PIP5K1C: variants seen among roughly 807,000 people sequenced by gnomAD.
PIP5K1C encodes the protein phosphatidylinositol 4-phosphate 5-kinase type-1 gamma.
Under a neutral mutation model 80.1 loss-of-function variants are expected in PIP5K1C, and 45 were observed. That is an observed-to-expected ratio of 0.56 (90% CI 0.44 to 0.72). PIP5K1C has a LOEUF of 0.72. Ranked by LOEUF, PIP5K1C falls within the 30% of genes least tolerant of loss-of-function variation. The pLI is 0.00. For synonymous variants in PIP5K1C, 498 were observed against 420.1 expected, an observed-to-expected ratio of 1.19 and a Z score of -2.27; for missense variants, 753 against 954.6, an observed-to-expected ratio of 0.79 and a Z score of 2.78.
chr19:3,683,778 G>C (rs1421852622), intron 1 of PIP5K1C, among the ~76,000 whole-genome samples: 1 of 151,972 alleles, frequency 6.6e-6, no homozygotes, highest in African/African-American at 2.4e-5. Flanking sequence ...CGGAGGCCCC[G>C]GGGCAGGACC....
chr19:3,671,475 G>GGGAGA (rs1201176405), intron 1 of PIP5K1C, among the ~76,000 whole-genome samples: 2 of 152,242 alleles, frequency 1.3e-5, no homozygotes, highest in South Asian at 2.1e-4. Context: ...CTGGCTAACG[G>GGGAGA]GGAGAGGAGA....
chr19:3,688,183 C>G lies in PIP5K1C; in HGVS notation c.94+12114G>C, dbSNP rs956575051. Among the ~76,000 whole-genome samples the G allele has an allele frequency of 1.4e-4, 21 of 152,202 alleles. No individual in the cohort carries two copies. The highest frequency in any genetic ancestry group is 2.1e-4 in the Non-Finnish European group (14 of 68,028). On this transcript the variant is annotated intron_variant, in intron 1 of 17. Coordinates refer to ENST00000335312, the MANE Select transcript of PIP5K1C (RefSeq NM_012398.3). The surrounding 1 kb of genome is among the most constrained non-coding windows in gnomAD (Gnocchi z 5.3). ...GTGGTCCCCACCTCCTTGCGCGCTCCGTCTCCAGCACAGCAGAGGTGGACG... is the reference window on the plus strand; with the variant it reads ...GTGGTCCCCACCTCCTTGCGCGCTCGGTCTCCAGCACAGCAGAGGTGGACG...
intron 2 of PIP5K1C, 23 bp downstream of exon 2, chr19:3,667,299 C>A: frequency 1.2e-6 from 2 of 1,610,842 alleles, no homozygotes; most frequent in Admixed American, 1.7e-5. Context: ...ACCCCAGGCC[C>A]TTCGTCCGCT....
chr19:3,655,107 CA>C (rs545856738), intron 6 of PIP5K1C, among the ~76,000 whole-genome samples: 4 of 45,862 alleles, frequency 8.7e-5, no homozygotes, highest in African/African-American at 4.2e-4. Context: ...GACTCCATCT[CA>C]AAAAAAAAAA....
At chr19:3,686,213 T>C (rs2035754099) in intron 1 of PIP5K1C, among the ~76,000 whole-genome samples, 1 of 152,150 alleles carries the variant, frequency 6.6e-6, no homozygotes, top group Non-Finnish European at 1.5e-5. Flanking sequence ...GCACAGTGAC[T>C]GACACCGGTA....
Position 3,692,721 on chromosome 19 carries a change from T to A in PIP5K1C, c.94+7576A>T, listed in dbSNP as rs1220397063. On this transcript the variant is annotated intron_variant, in intron 1 of 17. Transcript: ENST00000335312. The surrounding 1 kb of genome is among the most constrained non-coding windows in gnomAD (Gnocchi z 5.2). The stretch of plus-strand genomic sequence containing the variant: ...CCTGTGAGCTCCTGAGTCTCGCCCA[T>A]CCCTCCTCTGCCCGCAGCCCTCCAT... Among the ~76,000 whole-genome samples the A allele has an allele frequency of 6.6e-6, 1 of 151,532 alleles. No homozygotes were observed. The highest frequency in any genetic ancestry group is 1.5e-5 in the Non-Finnish European group (1 of 67,898).
intron 1 of PIP5K1C, among the ~76,000 whole-genome samples, chr19:3,687,886 G>A (rs905086592): frequency 5.9e-5 from 9 of 152,188 alleles, no homozygotes; most frequent in Admixed American, 5.2e-4. Context: ...GCAGGCGGGC[G>A]GAGCATCCAG....
intron 8 of PIP5K1C, chr19:3,650,155 C>T (rs1244222964): frequency 6.5e-6 from 1 of 153,998 alleles, no homozygotes; most frequent in Non-Finnish European, 1.4e-5. Flanking sequence ...CCGCTGCAAA[C>T]CAAAGCCCAG....
chr19:3,652,913 C>A (rs1204873151), intron 7 of PIP5K1C, among the ~76,000 whole-genome samples: 1 of 152,160 alleles, frequency 6.6e-6, no homozygotes, highest in African/African-American at 2.4e-5. Flanking sequence ...TCCAGAGGAA[C>A]CACTTCTCAG....
chr19:3,697,432 C>T (rs1332742982), intron 1 of PIP5K1C, among the ~76,000 whole-genome samples: 1 of 142,736 alleles, frequency 7.0e-6, no homozygotes, highest in Non-Finnish European at 1.5e-5. Context: ...GGAGGAGGAC[C>T]GAGCTGTACG....
intron 16 of PIP5K1C, chr19:3,636,515 C>A (rs966921241): frequency 5.1e-6 from 5 of 985,584 alleles, no homozygotes; most frequent in Non-Finnish European, 6.0e-6. Context: ...CTGCTCCCTG[C>A]CTATGGTGGG....
intron 1 of PIP5K1C, among the ~76,000 whole-genome samples, chr19:3,691,265 G>A (rs1364694746): frequency 6.6e-6 from 1 of 152,224 alleles, no homozygotes; most frequent in African/African-American, 2.4e-5. Flanking sequence ...CCGGAACACG[G>A]AGCGCCCGGT....
Position 3,688,754 on chromosome 19 carries a change from T to TG in PIP5K1C, c.94+11542dup, listed in dbSNP as rs1370282082. Among the ~76,000 whole-genome samples the TG allele has an allele frequency of 1.1e-4, 14 of 125,332 alleles. No homozygotes were observed. The highest frequency in any genetic ancestry group is 1.7e-4 in the Non-Finnish European group (10 of 57,794). The allele number at this position is 125,332 out of a possible 152,430, so 82.2% of individuals were successfully genotyped here. A position where few individuals can be genotyped will look rare whatever the true frequency, so the allele number is the denominator to read the frequency against. On this transcript the variant is annotated intron_variant, in intron 1 of 17. Transcript: ENST00000335312. This position sits in a 1 kb window ranked among gnomAD's most constrained non-coding sequence, Gnocchi z 5.3. Reference sequence around the variant, plus strand: ...GGAAAGAGAGAGAGAGAGAGGAGAGTGGGGGGAGAACGAGAGCGAGAGACA... The same window carrying TG: ...GGAAAGAGAGAGAGAGAGAGGAGAGTGGGGGGGAGAACGAGAGCGAGAGACA...
At chr19:3,634,166 G>A (rs568478784) in intron 16 of PIP5K1C, among the ~76,000 whole-genome samples, 11 of 152,182 alleles carry the variant, frequency 7.2e-5, no homozygotes, top group Non-Finnish European at 1.2e-4. Flanking sequence ...AGGCAGGGCC[G>A]TGTGCAGGGA....
chr19:3,678,045 GATGGAGA>G (rs781776073), intron 1 of PIP5K1C, among the ~76,000 whole-genome samples: 1 of 130,134 alleles, frequency 7.7e-6, no homozygotes, highest in African/African-American at 3.0e-5. Context: ...AGAATGGAGG[GATGGAGA>G]ATGGAGGGAT....
In PIP5K1C at chr19:3,692,246, A is replaced by G. The variant is rs1166259081; in HGVS notation, c.94+8051T>C. Among the ~76,000 whole-genome samples the G allele has an allele frequency of 2.6e-5, 4 of 152,126 alleles. No individual in the cohort carries two copies. The highest frequency in any genetic ancestry group is 1.3e-4 in the Admixed American group (2 of 15,284). ...CAGCTGTCCTCCTGCCAACAGCACA[A>G]TGGAACAGAGACACCGTCCACTGAG... On this transcript the variant is annotated intron_variant, in intron 1 of 17. Transcript: ENST00000335312. This position sits in a 1 kb window ranked among gnomAD's most constrained non-coding sequence, Gnocchi z 5.2.
intron 1 of PIP5K1C, among the ~76,000 whole-genome samples, chr19:3,684,989 G>T (rs1361973048): frequency 6.6e-6 from 1 of 152,184 alleles, no homozygotes; most frequent in Non-Finnish European, 1.5e-5. Flanking sequence ...CCATCCTTTG[G>T]TGCCGTCTGA....
At chr19:3,687,809 TAG>T (rs1459136945) in intron 1 of PIP5K1C, among the ~76,000 whole-genome samples, 1 of 152,186 alleles carries the variant, frequency 6.6e-6, no homozygotes, top group Admixed American at 6.5e-5. Flanking sequence ...CCGCAGGGCA[TAG>T]AGTGATCGCT....
chr19:3,700,336 AG>A lies in PIP5K1C; in HGVS notation c.54del (p.Ser19ArgfsTer28). ...EAESAEAGAV[P>X]SEAAWAAESG... ...CTCTCTGCCGCCCACGCCGCCTCCG[AG>A]GGCACGGCCCCCGCCTCAGCGCTCT... On this transcript the variant is annotated frameshift_variant, in exon 1 of 18. Coordinates refer to ENST00000335312, the MANE Select transcript of PIP5K1C (RefSeq NM_012398.3). LOFTEE classifies it high-confidence loss of function. 2 of 1,294,326 alleles carry A rather than the reference AG, an allele frequency of 1.5e-6. No individual in the cohort carries two copies. Among genetic ancestry groups the A allele is most frequent in the South Asian group, 1.5e-5 (1 of 66,338 alleles). The allele number at this position is 1,294,326 out of a possible 1,614,324, so 80.2% of individuals were successfully genotyped here.
Sources: gnomAD v4.1 joint callset for allele counts (sites outside exome capture counted in the v4.1 genomes callset) on GRCh38, gnomAD v4.1.1 for gene constraint, Gnocchi (gnomAD v3.1) non-coding constraint, MANE v1.5 for transcripts, NCBI Gene and HGNC (gene_info 2026-07-23, HGNC 2026-07-21) for gene names.